SRRM2: variants seen among roughly 807,000 people sequenced by gnomAD.
SRRM2 encodes the protein serine/arginine repetitive matrix protein 2.
In SRRM2, 30 loss-of-function variants were observed where a neutral mutation model predicts 213.8. The ratio of observed to expected loss-of-function variants is 0.14; its 90% CI spans 0.10 to 0.19. The LOEUF (loss-of-function observed/expected upper bound fraction) is 0.19. Ranked by LOEUF, SRRM2 falls within the 10% of genes least tolerant of loss-of-function variation. SRRM2 has a pLI of 1.00. For synonymous variants in SRRM2, 2,025 were observed against 1,377.7 expected (o/e 1.47, Z -10.40); for missense variants, 4,904 against 3,647.0 (o/e 1.34, Z -8.88).
Position 2,762,828 on chromosome 16 carries a change from C to G in SRRM2, c.2300C>G (p.Ser767Cys). The change falls in exon 11 of 15, where the codon TCC (serine) becomes TGC (cysteine). Residue 767 changes from serine to cysteine, a missense_variant. Physicochemically the swap from Ser to Cys is moderately radical, Grantham distance 112. Coordinates refer to ENST00000301740, the MANE Select transcript of SRRM2 (RefSeq NM_016333.4). Reference protein sequence around the residue: ...RRSRSLSSPRSKAKSRLSLRR... With the variant: ...RRSRSLSSPRCKAKSRLSLRR... ...AGCAGGTCTCTCTCTTCACCACGGT[C>G]CAAAGCAAAATCTCGCTTGTCTTTG... 1 of 1,614,182 alleles carries G rather than the reference C, an allele frequency of 6.2e-7. No homozygotes were observed. Among genetic ancestry groups the G allele is most frequent in the Non-Finnish European group, 8.5e-7 (1 of 1,180,032 alleles).
Position 2,770,985 on chromosome 16 carries a change from T to C in SRRM2, c.*118T>C. 7.7e-7 allele frequency: 1 copy of C among 1,290,468 alleles called. No individual in the cohort carries two copies. Among genetic ancestry groups the C allele is most frequent in the African/African-American group, 1.5e-5 (1 of 66,834 alleles). The allele number at this position is 1,290,468 out of a possible 1,614,324, so 79.9% of individuals were successfully genotyped here. A position where few individuals can be genotyped will look rare whatever the true frequency, so the allele number is the denominator to read the frequency against. On this transcript the variant is annotated 3_prime_UTR_variant, in exon 15 of 15. Coordinates refer to ENST00000301740, the MANE Select transcript of SRRM2 (RefSeq NM_016333.4). ...GCTCTCCTTTGAACCTTGGCAGCCC[T>C]TGGATGGAGGGCTCCCTTTCCCTCC...
Position 2,764,152 on chromosome 16 carries a change from C to G in SRRM2, c.3624C>G (p.Thr1208=), listed in dbSNP as rs777520063. ...TGGTATTCAAAGACACACTTAGAAC[C>G]CCGCCAAGGGAAAGAAGTGGTGCTG... ...SSLVFKDTLR[T]PPRERSGAGS... Residue 1208 remains threonine, a synonymous_variant, in exon 11 of 15, where the codon ACC becomes ACG. Transcript: ENST00000301740. 6.2e-7 allele frequency: 1 copy of G among 1,614,118 alleles called. No individual in the cohort carries two copies. Among genetic ancestry groups the G allele is most frequent in the South Asian group, 1.1e-5 (1 of 91,076 alleles).
Position 2,758,570 on chromosome 16 carries a change from C to T in SRRM2, c.593+23C>T, listed in dbSNP as rs779404111. On this transcript the variant is annotated intron_variant, in intron 5 of 14. Coordinates refer to ENST00000301740, the MANE Select transcript of SRRM2 (RefSeq NM_016333.4). ...ACGGTAAGTTAGTTGGAAAGTGACT[C>T]TGATAGCCAGAGGACCAATCCTGTG... 3.4e-5 allele frequency: 55 copies of T among 1,602,942 alleles called. 1 individual carries two copies. The East Asian group carries it at 6.0e-4, about 18-fold the overall frequency.
chr16:2,762,347 A>G lies in SRRM2; in HGVS notation c.1819A>G (p.Arg607Gly). Residue 607 changes from arginine to glycine, a missense_variant, in exon 11 of 15, where the codon AGA becomes GGA. Coordinates refer to ENST00000301740, the MANE Select transcript of SRRM2 (RefSeq NM_016333.4). ...RTPTRRRSRS[R>G]TPARRGRSRS... ...TCCCACCAGGCGTAGGTCTCGGTCT[A>G]GAACACCAGCCCGGAGGGGCAGGTC... 2.5e-6 allele frequency: 4 copies of G among 1,612,784 alleles called. No individual in the cohort carries two copies. Among genetic ancestry groups the G allele is most frequent in the African/African-American group, 2.7e-5 (2 of 74,590 alleles).
At position 2,759,835 on chromosome 16, in the gene SRRM2, C is replaced by T. The variant is rs536018469; in HGVS notation, c.833+174C>T. On this transcript the variant is annotated intron_variant, in intron 9 of 14. Coordinates refer to ENST00000301740, the MANE Select transcript of SRRM2 (RefSeq NM_016333.4). ...CAGGATGGACAGACATATACATTTC[C>T]CCTTCTCTTTTTTTTTTTGTTTTTG... 29 of 596,230 alleles carry T rather than the reference C, an allele frequency of 4.9e-5. No individual in the cohort carries two copies. In the East Asian group the frequency reaches 5.1e-4, roughly 10 times the overall value. The allele number at this position is 596,230 out of a possible 1,614,324, so 36.9% of individuals were successfully genotyped here.
At position 2,762,120 on chromosome 16, in the gene SRRM2, G is replaced by A. The variant is rs760089744; in HGVS notation, c.1592G>A (p.Arg531His). 1.2e-5 allele frequency: 19 copies of A among 1,614,064 alleles called. No homozygotes were observed. Among genetic ancestry groups the A allele is most frequent in the Admixed American group, 6.7e-5 (4 of 60,008 alleles). Reference protein sequence around the residue: ...RWGRSRSPQRRGRSRSPQRPG... With the variant: ...RWGRSRSPQRHGRSRSPQRPG... ...GGAAGATCTAGAAGCCCCCAGCGAC[G>A]TGGCCGCTCTAGGTCTCCTCAGCGA... The change falls in exon 11 of 15, where the codon CGT (arginine) becomes CAT (histidine). Residue 531 changes from arginine to histidine, a missense_variant. Transcript: ENST00000301740.
Position 2,753,037 on chromosome 16 carries a change from C to CCG in SRRM2, c.-32+192_-32+193insGC, listed in dbSNP as rs1450786732. Among the ~76,000 whole-genome samples, 16 of 2,176 alleles carry CCG rather than the reference C, an allele frequency of 7.4e-3. No individual in the cohort carries two copies. The Admixed American group carries it at 0.08, about 11-fold the overall frequency. 1.4% of individuals were successfully genotyped at this position (2,176 alleles called of 152,430 possible). On this transcript the variant is annotated intron_variant, in intron 1 of 14. Transcript: ENST00000301740. ...CCGTTCCTGTCGCGCGCGGGCTTCA[C>CCG]CCCCCCCCGCCCCTCCCCCATGACA... is the stretch of plus-strand genomic sequence containing the variant.
rs2068510374 is a variant in SRRM2 at position 2,765,553 on chromosome 16, A to G, written c.5025A>G (p.Ser1675=). The change falls in exon 11 of 15, where the codon TCA becomes TCG. Residue 1675 remains serine, a synonymous_variant. Coordinates refer to ENST00000301740, the MANE Select transcript of SRRM2 (RefSeq NM_016333.4). The part of the protein sequence containing the change: ...SRTARRGSRS[S]PEPKTKSRTP... The stretch of plus-strand genomic sequence containing the variant: ...CTGCTCGCAGAGGTTCCAGGTCATC[A>G]CCAGAGCCCAAGACCAAGTCTCGTA... The G allele has an allele frequency of 2.5e-6, 4 of 1,614,032 alleles. No homozygotes were observed. The highest frequency in any genetic ancestry group is 1.7e-5 in the Admixed American group (1 of 60,002).
chr16:2,761,945 C>G lies in SRRM2; in HGVS notation c.1417C>G (p.His473Asp). ...TGGCCGAGCAAAACGGGATAAATCA[C>G]ATTCTCATACCCCCTCCCGTAGGAT... is the stretch of plus-strand genomic sequence containing the variant. ...SHGRAKRDKS[H>D]SHTPSRRMGR... The change falls in exon 11 of 15, where the codon CAT becomes GAT. Residue 473 changes from histidine (H) to aspartate (D), a missense_variant. By Grantham distance (81) the His-to-Asp change is moderately conservative. Transcript: ENST00000301740. The G allele has an allele frequency of 6.2e-7, 1 of 1,614,110 alleles. No homozygotes were observed. Among genetic ancestry groups the G allele is most frequent in the Middle Eastern group, 1.7e-4 (1 of 6,060 alleles).
intron 1 of SRRM2, 130 bp from the exon 2 acceptor site, chr16:2,756,204 A>G (rs960881849): frequency 9.9e-6 from 9 of 913,178 alleles, no homozygotes; most frequent in Non-Finnish European, 1.4e-5. Context: ...GTGGAGCATT[A>G]TACAGCGAAG....
chr16:2,756,654 G>T (rs1386324641), intron 2 of SRRM2, 48 bp downstream of exon 2: 1 of 1,563,844 alleles, frequency 6.4e-7, no homozygotes, highest in South Asian at 1.2e-5. Context: ...GTGCAGAGCT[G>T]GGGGTGTTAG....
In SRRM2 at chr16:2,766,039, C is replaced by T. The variant is rs1349796822; in HGVS notation, c.5511C>T (p.Arg1837=). ...AAAGTTCCCGGACCTCCTCTCGACG[C>T]CGAAGAGGCCGCTCTCGGACACCCC... ...RQESSRTSSR[R]RRGRSRTPPT... Residue 1837 remains arginine, a synonymous_variant, in exon 11 of 15, where the codon CGC becomes CGT. Coordinates refer to ENST00000301740, the MANE Select transcript of SRRM2 (RefSeq NM_016333.4). This position sits in a 1 kb window ranked among gnomAD's most constrained non-coding sequence, Gnocchi z 7.0. The T allele has an allele frequency of 1.9e-6, 3 of 1,613,964 alleles. No homozygotes were observed. The highest frequency in any genetic ancestry group is 1.1e-5 in the South Asian group (1 of 91,090).
Position 2,765,530 on chromosome 16 carries a change from G to T in SRRM2, c.5002G>T (p.Ala1668Ser). ...TGAACATCCGCCCAAATCCAGAACT[G>T]CTCGCAGAGGTTCCAGGTCATCACC... ...SPEHPPKSRTARRGSRSSPEP... is the reference protein window; with the variant it reads ...SPEHPPKSRTSRRGSRSSPEP... The change falls in exon 11 of 15, where the codon GCT becomes TCT. Residue 1668 changes from alanine (A) to serine (S), a missense_variant. Ala to Ser is a moderately conservative substitution (Grantham distance 99). Coordinates refer to ENST00000301740, the MANE Select transcript of SRRM2 (RefSeq NM_016333.4). The T allele has an allele frequency of 6.2e-7, 1 of 1,614,176 alleles. No individual in the cohort carries two copies. Among genetic ancestry groups the T allele is most frequent in the Non-Finnish European group, 8.5e-7 (1 of 1,180,034 alleles).
Position 2,766,453 on chromosome 16 carries a change from G to T in SRRM2, c.5925G>T (p.Ser1975=), listed in dbSNP as rs1204134505. The T allele has an allele frequency of 6.2e-7, 1 of 1,613,754 alleles. No homozygotes were observed. The highest frequency in any genetic ancestry group is 2.2e-5 in the East Asian group (1 of 44,854). ...VTRRRSRSRT[S]PITRRRSRSR... is the part of the protein sequence containing the mutation. ...GGAGGCGATCTCGAAGCAGAACTTC[G>T]CCTATCACTCGCAGAAGATCAAGAT... is the stretch of plus-strand genomic sequence containing the variant. The change falls in exon 11 of 15, where the codon TCG becomes TCT. Residue 1975 remains serine, a synonymous_variant. Transcript: ENST00000301740. This position sits in a 1 kb window ranked among gnomAD's most constrained non-coding sequence, Gnocchi z 7.0.
chr16:2,757,183 G>A (rs565013731), intron 2 of SRRM2, among the ~76,000 whole-genome samples: 1 of 152,258 alleles, frequency 6.6e-6, no homozygotes, highest in Admixed American at 6.5e-5. Context: ...GAAGTAAAAG[G>A]CACATTCTTG....
rs757463812 is a variant in SRRM2, at chr16:2,756,461, C to T, written c.97C>T (p.Arg33Trp). 66 of 1,613,224 alleles carry T rather than the reference C, an allele frequency of 4.1e-5. No homozygotes were observed. Among genetic ancestry groups the T allele is most frequent in the Non-Finnish European group, 4.9e-5 (58 of 1,179,746 alleles). ...LSLVRGRRGE[R>W]PDYKGEEELR... ...CCTGGTGCGGGGCCGCCGGGGTGAG[C>T]GGCCTGACTACAAGGGAGAGGAGGA... The change falls in exon 2 of 15, where the codon CGG (arginine) becomes TGG (tryptophan). Residue 33 changes from arginine (R) to tryptophan (W), a missense_variant. Physicochemically the swap from Arg to Trp is moderately radical, Grantham distance 101 (BLOSUM62 -3). Coordinates refer to ENST00000301740, the MANE Select transcript of SRRM2 (RefSeq NM_016333.4).
rs2240142 is a variant in SRRM2 at position 2,762,646 on chromosome 16, C to T, written c.2118C>T (p.Ser706=). Residue 706 remains serine (S), a synonymous_variant, in exon 11 of 15, where the codon AGC becomes AGT. Transcript: ENST00000301740. ...TPRRGRSRSR[S]LVRRGRSHSR... ...GACGAGGAAGATCCCGCAGTAGAAG[C>T]TTAGTTAGACGTGGAAGATCTCACT... 253,953 of 1,613,982 alleles carry T rather than the reference C, an allele frequency of 0.16. 20,999 individuals carry two copies. The highest frequency in any genetic ancestry group is 0.28 in the East Asian group (12,597 of 44,882).
rs1218784360 is a variant in SRRM2 at position 2,767,310 on chromosome 16, C to G, written c.6782C>G (p.Thr2261Arg). ...GCAGTGAACCTGGCTGACTCTCGAACGCCAGCTGCAGCAGCGGCCATGAAC... is the reference window on the plus strand; with the variant it reads ...GCAGTGAACCTGGCTGACTCTCGAAGGCCAGCTGCAGCAGCGGCCATGAAC... ...PTAVNLADSR[T>R]PAAAAAMNLA... Residue 2261 changes from threonine to arginine, a missense_variant, in exon 11 of 15, where the codon ACG becomes AGG. Coordinates refer to ENST00000301740, the MANE Select transcript of SRRM2 (RefSeq NM_016333.4). The G allele has an allele frequency of 6.2e-7, 1 of 1,613,850 alleles. No individual in the cohort carries two copies. The highest frequency in any genetic ancestry group is 1.3e-5 in the African/African-American group (1 of 74,932).
intron 11 of SRRM2, 34 bp from the exon 12 acceptor site, chr16:2,768,963 C>T (rs757344534): frequency 4.4e-6 from 7 of 1,606,770 alleles, no homozygotes; most frequent in Middle Eastern, 1.7e-4. Context: ...GCTGGGGCAG[C>T]TTGTCTCCTT....
Sources: gnomAD v4.1 joint callset for allele counts (sites outside exome capture counted in the v4.1 genomes callset) on GRCh38, gnomAD v4.1.1 for gene constraint, Gnocchi (gnomAD v3.1) non-coding constraint, MANE v1.5 for transcripts, NCBI Gene and HGNC (gene_info 2026-07-23, HGNC 2026-07-21) for gene names.